Variants in POC1B observed in about 807,000 individuals in gnomAD.
The protein encoded by POC1B is POC1 centriolar protein homolog B.
POC1B carries 44 observed loss-of-function variants against 60.6 expected under a neutral mutation model. The ratio of observed to expected loss-of-function variants is 0.73; its 90% CI spans 0.57 to 0.93. POC1B has a LOEUF of 0.93. Among genes scored for constraint, POC1B ranks in the 40% least tolerant of loss-of-function variants. The pLI is 0.00. For synonymous variants in POC1B, 180 were observed against 198.9 expected (o/e 0.90, Z 0.80); for missense variants, 555 against 572.3 (o/e 0.97, Z 0.31).
intron 2 of POC1B, chr12:89,500,999 A>G (rs1297584339): frequency 3.5e-5 from 33 of 949,006 alleles, no homozygotes; most frequent in Non-Finnish European, 3.0e-5. Context: ...TGAAGTTGAT[A>G]GAGGATGAAT....
intron 3 of POC1B, among the ~76,000 whole-genome samples, chr12:89,495,236 T>C (rs1417179284): frequency 6.6e-6 from 1 of 152,198 alleles, no homozygotes; most frequent in East Asian, 1.9e-4. Context: ...TTTCCTTGAA[T>C]TAGTAAAGGG....
downstream of POC1B, among the ~76,000 whole-genome samples, chr12:89,414,873 A>G (rs1035860984): frequency 6.6e-6 from 1 of 152,240 alleles, no homozygotes; most frequent in Non-Finnish European, 1.5e-5. Flanking sequence ...TTTGCTCTAC[A>G]TATAAATGAA....
chr12:89,439,758 C>T (rs912079053), intron 10 of POC1B, among the ~76,000 whole-genome samples: 2 of 152,060 alleles, frequency 1.3e-5, no homozygotes, highest in African/African-American at 4.8e-5. Context: ...CATGTACAAC[C>T]ATGCCTGGCT....
chr12:89,508,125 G>A (rs1182325972), intron 2 of POC1B, among the ~76,000 whole-genome samples: 5 of 152,188 alleles, frequency 3.3e-5, no homozygotes, highest in Non-Finnish European at 5.9e-5. Flanking sequence ...ATACAAATGT[G>A]TGTGTCTATT....
chr12:89,521,839 C>T (rs1870904331), intron 2 of POC1B: 1 of 397,350 alleles, frequency 2.5e-6, no homozygotes, highest in East Asian at 3.6e-5. Context: ...ATTTCCTGAT[C>T]AGCAGAACTC....
intron 2 of POC1B, chr12:89,519,869 G>A (rs747685122): frequency 1.1e-4 from 16 of 152,194 alleles, no homozygotes; most frequent in Non-Finnish European, 2.4e-4. Flanking sequence ...GACACTAAAT[G>A]ACATAGTGAA....
At chr12:89,480,268 C>T (rs1592615797) in intron 4 of POC1B, among the ~76,000 whole-genome samples, 1 of 152,022 alleles carries the variant, frequency 6.6e-6, no homozygotes, top group East Asian at 1.9e-4. Flanking sequence ...TCCAAAGTAG[C>T]TGGGACTACA....
chr12:89,457,738 A>G (rs1192203892), intron 10 of POC1B, among the ~76,000 whole-genome samples: 1 of 152,206 alleles, frequency 6.6e-6, no homozygotes, highest in African/African-American at 2.4e-5. Flanking sequence ...ACAATTTCAT[A>G]TAATTCAACC....
Position 89,422,227 on chromosome 12 carries a change from C to T in POC1B, c.1333-970G>A, listed in dbSNP as rs571443636. Among the ~76,000 whole-genome samples, 5 of 152,244 alleles carry T rather than the reference C, an allele frequency of 3.3e-5. No homozygotes were observed. In the East Asian group the frequency reaches 5.8e-4, roughly 18 times the overall value. On this transcript the variant is annotated intron_variant, in intron 11 of 11. Coordinates refer to ENST00000313546, the MANE Select transcript of POC1B (RefSeq NM_172240.3). ...ACGTGCCTACCACGACTTCCTTGCCCGCCCTCTGTAACAGCCACTATCCTG... is the reference window on the plus strand; with the variant it reads ...ACGTGCCTACCACGACTTCCTTGCCTGCCCTCTGTAACAGCCACTATCCTG...
At chr12:89,499,414 T>C (rs1869431908) in intron 2 of POC1B, among the ~76,000 whole-genome samples, 1 of 152,100 alleles carries the variant, frequency 6.6e-6, no homozygotes, top group African/African-American at 2.4e-5. Flanking sequence ...ACTACCTGGG[T>C]GATGGAATCA....
At chr12:89,476,697 A>G (rs1024085389) in intron 4 of POC1B, among the ~76,000 whole-genome samples, 1 of 139,882 alleles carries the variant, frequency 7.1e-6, no homozygotes, top group East Asian at 2.1e-4. Flanking sequence ...AGACTGTCTC[A>G]ATAGATAGAT....
intron 4 of POC1B, among the ~76,000 whole-genome samples, chr12:89,484,831 C>A (rs1868547795): frequency 6.6e-6 from 1 of 152,228 alleles, no homozygotes; most frequent in Non-Finnish European, 1.5e-5. Flanking sequence ...TCCATCCTGG[C>A]TCAGGGGAAG....
intron 10 of POC1B, among the ~76,000 whole-genome samples, chr12:89,456,116 G>A (rs1882247716): frequency 6.6e-6 from 1 of 152,012 alleles, no homozygotes; most frequent in South Asian, 2.1e-4. Flanking sequence ...CACCTCCTGG[G>A]TTCAAGCAGT....
At chr12:89,410,138 A>T in the POC1B span, among the ~76,000 whole-genome samples, 1 of 152,218 alleles carries the variant, frequency 6.6e-6, no homozygotes, top group Non-Finnish European at 1.5e-5. Context: ...CTGGGATGCA[A>T]GGCTGGCTCA....
chr12:89,525,931 G>A lies in POC1B; in HGVS notation c.-36C>T, dbSNP rs1371230565. The A allele has an allele frequency of 2.0e-6, 3 of 1,530,294 alleles. No homozygotes were observed. The highest frequency in any genetic ancestry group is 1.8e-6 in the Non-Finnish European group (2 of 1,135,398). 94.8% of individuals were successfully genotyped at this position (1,530,294 alleles called of 1,614,324 possible). A position where few individuals can be genotyped will look rare whatever the true frequency, so the allele number is the denominator to read the frequency against. Reference sequence around the variant, plus strand: ...GTCGGCCCAAGGCTCCTGTGGGTGGGGGAACCCGGAGAGGGGAGGGGAGAG... The same window carrying A: ...GTCGGCCCAAGGCTCCTGTGGGTGGAGGAACCCGGAGAGGGGAGGGGAGAG... On this transcript the variant is annotated 5_prime_UTR_variant, in exon 1 of 12. Transcript: ENST00000313546.
chr12:89,513,462 A>G (rs1870285541), intron 2 of POC1B, among the ~76,000 whole-genome samples: 1 of 152,228 alleles, frequency 6.6e-6, no homozygotes, highest in South Asian at 2.1e-4. Context: ...AGGGGGAAGT[A>G]ACAACTTCAA....
chr12:89,463,058 A>T (rs1457166958), intron 9 of POC1B, among the ~76,000 whole-genome samples: 1 of 152,192 alleles, frequency 6.6e-6, no homozygotes, highest in African/African-American at 2.4e-5. Context: ...AAAAACTTAA[A>T]TTGATCACTT....
chr12:89,417,541 TACATCAAGCAA>T (rs1880383553), downstream of POC1B, among the ~76,000 whole-genome samples: 1 of 152,238 alleles, frequency 6.6e-6, no homozygotes, highest in South Asian at 2.1e-4. Flanking sequence ...GCTTAATAGA[TACATCAAGCAA>T]ATGAGAAGTT....
chr12:89,502,205 A>G lies in POC1B; in HGVS notation c.101-4863T>C. 4 of 1,136,284 alleles carry G rather than the reference A, an allele frequency of 3.5e-6. No individual in the cohort carries two copies. In the South Asian group the frequency reaches 5.2e-5, roughly 15 times the overall value. 70.4% of individuals were successfully genotyped at this position (1,136,284 alleles called of 1,614,324 possible). On this transcript the variant is annotated intron_variant, in intron 2 of 11. Coordinates refer to ENST00000313546, the MANE Select transcript of POC1B (RefSeq NM_172240.3). The stretch of plus-strand genomic sequence containing the variant: ...TATTTAATGTCTGGAAAGAATAATA[A>G]TGATGTGGATGATGAGGAAGTTCCT...
Sources: gnomAD v4.1 joint callset for allele counts (sites outside exome capture counted in the v4.1 genomes callset) on GRCh38, gnomAD v4.1.1 for gene constraint, MANE v1.5 for transcripts, NCBI Gene and HGNC (gene_info 2026-07-23, HGNC 2026-07-21) for gene names.